SGK1: variants seen among roughly 807,000 people sequenced by gnomAD.
The protein encoded by SGK1 is serine/threonine-protein kinase Sgk1.
In SGK1, 26 loss-of-function variants were observed where a neutral mutation model predicts 64.2. That is an observed-to-expected ratio of 0.40 (90% confidence interval 0.30 to 0.56). The LOEUF is 0.56. Ranked by LOEUF, SGK1 falls within the 20% of genes least tolerant of loss-of-function variation. The probability of loss-of-function intolerance (pLI) is 0.38; values close to 1 mark genes in which losing one functional copy is unlikely to be tolerated. For synonymous variants in SGK1, 265 were observed against 239.7 expected (o/e 1.11, Z -0.98); for missense variants, 519 against 645.6 (o/e 0.80, Z 2.12).
chr6:134,174,873 C>T (rs1376937722), intron 3 of SGK1: 3 of 1,608,816 alleles, frequency 1.9e-6, no homozygotes, highest in Non-Finnish European at 8.5e-7. Context: ...CTGCGCCAGG[C>T]CGCGCGCTCG....
intron 1 of SGK1, among the ~76,000 whole-genome samples, chr6:134,308,538 T>C (rs1562281093): frequency 6.6e-6 from 1 of 152,126 alleles, no homozygotes; most frequent in Non-Finnish European, 1.5e-5. Context: ...TTGTTTTCTA[T>C]GGGCACAATC....
At chr6:134,249,559 A>G (rs1156788315) in intron 2 of SGK1, 2 of 152,202 alleles carry the variant, frequency 1.3e-5, no homozygotes, top group African/African-American at 4.8e-5. Context: ...TCTTATGTGT[A>G]GTCTCTATCT....
rs568974450 is a variant in SGK1 at position 134,317,445 on chromosome 6, T to C, written c.16A>G (p.Met6Val). ...CATTTCTTGACTGGGAATCCATTCA[T>C]GTCTTTGTTTACCATTTTCCACCGT... is the stretch of plus-strand genomic sequence containing the variant. Reference protein sequence around the residue: MVNKDMNGFPVKKCSA... With the variant: MVNKDVNGFPVKKCSA... Residue 6 changes from methionine (M) to valine (V), a missense_variant, in exon 1 of 14, where the codon ATG (methionine) becomes GTG (valine). Met to Val is a conservative substitution (Grantham distance 21, BLOSUM62 1). Transcript: ENST00000367858. The C allele has an allele frequency of 1.2e-6, 2 of 1,609,512 alleles. No individual in the cohort carries two copies. Among genetic ancestry groups the C allele is most frequent in the Admixed American group, 1.7e-5 (1 of 60,004 alleles).
At chr6:134,209,449 CA>C (rs1373730559) in intron 2 of SGK1, among the ~76,000 whole-genome samples, 1 of 151,978 alleles carries the variant, frequency 6.6e-6, no homozygotes, top group Admixed American at 6.6e-5. Flanking sequence ...AACAAACAAA[CA>C]AACAATCAAA....
chr6:134,265,733 T>G (rs1302309696), intron 1 of SGK1, among the ~76,000 whole-genome samples: 2 of 149,264 alleles, frequency 1.3e-5, no homozygotes, highest in Non-Finnish European at 1.5e-5. Flanking sequence ...GTGTTTTATC[T>G]GTTTTTACAA....
chr6:134,181,108 C>A (rs1000692583), intron 3 of SGK1, among the ~76,000 whole-genome samples: 14 of 152,186 alleles, frequency 9.2e-5, no homozygotes, highest in African/African-American at 3.4e-4. Context: ...GCATCTACTT[C>A]CCCCACAAGT....
At chr6:134,291,769 C>A (rs574341998) in intron 1 of SGK1, among the ~76,000 whole-genome samples, 2 of 152,158 alleles carry the variant, frequency 1.3e-5, no homozygotes, top group African/African-American at 2.4e-5. Context: ...AATCTTTAAA[C>A]TACATTTGTG....
At chr6:134,205,202 A>G (rs543888734) in intron 3 of SGK1, among the ~76,000 whole-genome samples, 2 of 152,148 alleles carry the variant, frequency 1.3e-5, no homozygotes, top group South Asian at 4.1e-4. Flanking sequence ...TTCATTCTAC[A>G]TTGCTTCTTC....
At chr6:134,292,077 C>T (rs984222799) in intron 1 of SGK1, among the ~76,000 whole-genome samples, 1 of 137,480 alleles carries the variant, frequency 7.3e-6, no homozygotes, top group Non-Finnish European at 1.6e-5. Flanking sequence ...AAAAAAAAAA[C>T]ACTAGATTTT....
intron 2 of SGK1, among the ~76,000 whole-genome samples, chr6:134,219,486 C>A (rs1176217002): frequency 6.6e-6 from 1 of 152,078 alleles, no homozygotes; most frequent in Non-Finnish European, 1.5e-5. Flanking sequence ...ATTGGCCAGC[C>A]GCGGTATCTC....
intron 1 of SGK1, among the ~76,000 whole-genome samples, chr6:134,313,631 A>T (rs1047133613): frequency 5.3e-5 from 8 of 151,868 alleles, no homozygotes; most frequent in African/African-American, 1.7e-4. Context: ...CAGGTGATTT[A>T]CCACAGGTAC....
chr6:134,232,421 A>AAGAGAGAGAGAGAGAG (rs762251415), intron 2 of SGK1, among the ~76,000 whole-genome samples: 1,096 of 44,504 alleles, frequency 0.025, 151 homozygotes, highest in African/African-American at 0.084. Flanking sequence ...AAGAGAAAGA[A>AAGAGAGAGAGAGAGAG]AGAAAGAAAG....
chr6:134,266,938 A>G (rs1195097319), intron 1 of SGK1, among the ~76,000 whole-genome samples: 7 of 152,156 alleles, frequency 4.6e-5, no homozygotes, highest in Admixed American at 4.6e-4. Context: ...TTTGTCTCCA[A>G]CGTTGTAGTT....
intron 11 of SGK1, 114 bp downstream of exon 11, chr6:134,171,523 C>CATAT: frequency 1.4e-6 from 1 of 704,722 alleles, no homozygotes; most frequent in Non-Finnish European, 2.5e-6. Context: ...TGCCTCTTAG[C>CATAT]TGCTTTTGAT....
intron 3 of SGK1, among the ~76,000 whole-genome samples, chr6:134,191,717 G>A (rs1460045973): frequency 6.6e-6 from 1 of 150,512 alleles, no homozygotes; most frequent in East Asian, 1.9e-4. Context: ...CGCCCAGGCT[G>A]GAGTGCAGTG....
At chr6:134,246,574 T>A (rs1180903979) in intron 2 of SGK1, among the ~76,000 whole-genome samples, 1 of 152,122 alleles carries the variant, frequency 6.6e-6, no homozygotes, top group African/African-American at 2.4e-5. Flanking sequence ...GCAACCCTGT[T>A]AAGTTTGTAT....
intron 2 of SGK1, among the ~76,000 whole-genome samples, chr6:134,221,092 T>C (rs1337655561): frequency 1.3e-5 from 2 of 150,628 alleles, no homozygotes; most frequent in Admixed American, 1.3e-4. Context: ...TCATCTGAGG[T>C]CAAGAGTTCG....
intron 2 of SGK1, among the ~76,000 whole-genome samples, chr6:134,223,906 G>A (rs1360856618): frequency 6.6e-6 from 1 of 152,154 alleles, no homozygotes; most frequent in African/African-American, 2.4e-5. Context: ...TTTCTTATAT[G>A]CCTTGGCTTG....
chr6:134,236,577 C>T (rs1237855667), intron 2 of SGK1, among the ~76,000 whole-genome samples: 1 of 152,136 alleles, frequency 6.6e-6, no homozygotes, highest in East Asian at 1.9e-4. Context: ...CAAAGAACAA[C>T]AATCTCCCCA....
Sources: allele counts gnomAD v4.1 joint callset (sites outside exome capture counted in the v4.1 genomes callset), GRCh38; gene constraint gnomAD v4.1.1; transcripts MANE v1.5; gene names NCBI Gene and HGNC (gene_info 2026-07-23, HGNC 2026-07-21).